RAB38: variants seen among roughly 807,000 people sequenced by gnomAD.
The protein encoded by RAB38 is ras-related protein Rab-38.
RAB38 carries 15 observed loss-of-function variants against 18.4 expected under a neutral mutation model. That is an observed-to-expected ratio of 0.82 (90% CI 0.55 to 1.26). The LOEUF (loss-of-function observed/expected upper bound fraction) is 1.26, where lower values mean the gene tolerates loss of function less well. RAB38 is among the 50% of genes most tolerant of loss of function. The pLI is 0.00. For missense variants in RAB38, 294 were observed against 267.4 expected, an observed-to-expected ratio of 1.10 and a Z score of -0.69; for synonymous variants, 101 against 104.4, an observed-to-expected ratio of 0.97 and a Z score of 0.20.
At chr11:88,075,075 AAGTT>A in the RAB38 span, among the ~76,000 whole-genome samples, 1 of 152,196 alleles carries the variant, frequency 6.6e-6, no homozygotes, top group Admixed American at 6.5e-5. Flanking sequence ...ATTAAAGAGA[AAGTT>A]AGACACCAAT....
the RAB38 span, among the ~76,000 whole-genome samples, chr11:88,007,808 A>G: frequency 8.5e-5 from 13 of 152,134 alleles, no homozygotes; most frequent in African/African-American, 3.1e-4. Flanking sequence ...TATTTACAAT[A>G]GCCAAAAACT....
the RAB38 span, among the ~76,000 whole-genome samples, chr11:87,859,945 C>T: frequency 6.6e-6 from 1 of 151,964 alleles, no homozygotes. Flanking sequence ...GCTTATGGGC[C>T]AGATGTGTCA....
At chr11:88,088,450 T>C in the RAB38 span, among the ~76,000 whole-genome samples, 1 of 151,908 alleles carries the variant, frequency 6.6e-6, no homozygotes, top group Non-Finnish European at 1.5e-5. Context: ...AAGGGCCATT[T>C]TATTTTGGTT....
chr11:88,129,886 C>T (rs1176230123), intron 2 of RAB38, among the ~76,000 whole-genome samples: 1 of 151,810 alleles, frequency 6.6e-6, no homozygotes, highest in Non-Finnish European at 1.5e-5. Flanking sequence ...TTTCTAAGTT[C>T]TCTATAAAAT....
At chr11:88,057,702 A>G in the RAB38 span, among the ~76,000 whole-genome samples, 1 of 152,122 alleles carries the variant, frequency 6.6e-6, no homozygotes, top group Non-Finnish European at 1.5e-5. Flanking sequence ...ATTTTTAAAA[A>G]CTATGTTACA....
At chr11:87,934,311 ATTCT>A in the RAB38 span, among the ~76,000 whole-genome samples, 1 of 152,114 alleles carries the variant, frequency 6.6e-6, no homozygotes, top group South Asian at 2.1e-4. Flanking sequence ...TTTCAACTTG[ATTCT>A]TTCTAACTTT....
chr11:88,157,083 C>T (rs1235862157), intron 1 of RAB38, among the ~76,000 whole-genome samples: 4 of 152,154 alleles, frequency 2.6e-5, no homozygotes, highest in Non-Finnish European at 4.4e-5. Context: ...CATCCGTATG[C>T]TATCTTCAAG....
At chr11:87,897,633 G>C in the RAB38 span, among the ~76,000 whole-genome samples, 5 of 151,440 alleles carry the variant, frequency 3.3e-5, no homozygotes. Flanking sequence ...CCTAAATTTT[G>C]CTTGGATTTA....
chr11:87,974,566 T>C, the RAB38 span, among the ~76,000 whole-genome samples: 17 of 151,694 alleles, frequency 1.1e-4, no homozygotes, highest in African/African-American at 3.9e-4. Flanking sequence ...AGAAAAAAAT[T>C]TGGAGAAATA....
chr11:88,120,598 T>G (rs1264269296), intron 2 of RAB38, among the ~76,000 whole-genome samples: 1 of 152,178 alleles, frequency 6.6e-6, no homozygotes, highest in Non-Finnish European at 1.5e-5. Context: ...AGTCACATTG[T>G]CAGCATGGAG....
the RAB38 span, chr11:87,880,046 G>T: frequency 6.6e-6 from 1 of 151,672 alleles, no homozygotes; most frequent in Non-Finnish European, 1.5e-5. Flanking sequence ...GATATAAAAT[G>T]AATGAATGAA....
At chr11:87,850,634 T>C in the RAB38 span, among the ~76,000 whole-genome samples, 10 of 151,958 alleles carry the variant, frequency 6.6e-5, no homozygotes, top group Non-Finnish European at 1.3e-4. Flanking sequence ...CTATACCTTC[T>C]TCGTCTTTTC....
chr11:87,881,597 T>C, the RAB38 span, among the ~76,000 whole-genome samples: 3 of 151,896 alleles, frequency 2.0e-5, no homozygotes, highest in African/African-American at 4.8e-5. Flanking sequence ...TACACTAGTC[T>C]GTGAGTAAGC....
At chr11:87,844,393 G>C in the RAB38 span, among the ~76,000 whole-genome samples, 2 of 152,120 alleles carry the variant, frequency 1.3e-5, no homozygotes, top group Non-Finnish European at 2.9e-5. Context: ...ATGCTAAGCA[G>C]TTGGCGCCAT....
At chr11:88,045,361 G>A in the RAB38 span, among the ~76,000 whole-genome samples, 27 of 152,174 alleles carry the variant, frequency 1.8e-4, no homozygotes, top group Admixed American at 4.6e-4. Context: ...TGCCTCCACT[G>A]TGAGACAAAC....
the RAB38 span, among the ~76,000 whole-genome samples, chr11:87,843,332 TTTTTTCTTCAG>T: frequency 1.7e-4 from 26 of 152,344 alleles, no homozygotes; most frequent in African/African-American, 6.0e-4. Context: ...CTTTGGTTCC[TTTTTTCTTCAG>T]TTTTTCTTGT....
At chr11:87,898,132 C>T in the RAB38 span, among the ~76,000 whole-genome samples, 2 of 151,586 alleles carry the variant, frequency 1.3e-5, no homozygotes, top group East Asian at 2.0e-4. Flanking sequence ...CTACTCAGCA[C>T]ATCATAGGGA....
the RAB38 span, among the ~76,000 whole-genome samples, chr11:88,010,976 C>T: frequency 6.6e-6 from 1 of 152,124 alleles, no homozygotes; most frequent in African/African-American, 2.4e-5. Flanking sequence ...GCTGTTAACC[C>T]CTTCTGCCTC....
At position 88,175,434 on chromosome 11, in the gene RAB38, G is replaced by C. The variant is rs746205579; in HGVS notation, c.-50C>G. On this transcript the variant is annotated 5_prime_UTR_variant, in exon 1 of 3. Transcript: ENST00000243662. Reference sequence around the variant, plus strand: ...TGCCTGACCAGGGAAGCGCAGCCTGGGCTCTGCGCACGAGAGAGACTTGGG... The same window carrying C: ...TGCCTGACCAGGGAAGCGCAGCCTGCGCTCTGCGCACGAGAGAGACTTGGG... The C allele has an allele frequency of 1.3e-6, 2 of 1,598,464 alleles. No individual in the cohort carries two copies. The highest frequency in any genetic ancestry group is 2.2e-5 in the East Asian group (1 of 44,766).
Sources: allele counts gnomAD v4.1 joint callset (sites outside exome capture counted in the v4.1 genomes callset), GRCh38; gene constraint gnomAD v4.1.1; transcripts MANE v1.5; gene names NCBI Gene and HGNC (gene_info 2026-07-23, HGNC 2026-07-21).